The following ASB13 variants were observed in gnomAD, a reference collection of about 807,000 sequenced individuals.
The protein encoded by ASB13 is ankyrin repeat and SOCS box containing 13.
A neutral mutation model predicts 28.8 loss-of-function variants in ASB13; 33 were observed. The ratio of observed to expected loss-of-function variants is 1.15; its 90% CI spans 0.87 to 1.53. ASB13 has a LOEUF of 1.53. Among genes scored for constraint, ASB13 ranks in the 40% most tolerant of loss-of-function variants. The probability of loss-of-function intolerance (pLI) is 0.00; values close to 1 mark genes in which losing one functional copy is unlikely to be tolerated. For missense variants in ASB13, 414 were observed against 390.1 expected, an observed-to-expected ratio of 1.06 and a Z score of -0.52; for synonymous variants, 182 against 172.9, an observed-to-expected ratio of 1.05 and a Z score of -0.41.
rs888827574 is a variant in ASB13 at position 5,650,288 on chromosome 10, A to G, written c.382+925T>C. 6.6e-6 allele frequency among the ~76,000 whole-genome samples: 1 copy of G among 152,176 alleles called. No homozygotes were observed. The highest frequency in any genetic ancestry group is 1.5e-5 in the Non-Finnish European group (1 of 68,026). Reference sequence around the variant, plus strand: ...CCCAGCCACCACTGCACCTCCGTCTATCTGCACATGGAGGACCACTAAATG... The same window carrying G: ...CCCAGCCACCACTGCACCTCCGTCTGTCTGCACATGGAGGACCACTAAATG... On this transcript the variant is annotated intron_variant, in intron 3 of 5. Coordinates refer to ENST00000357700, the MANE Select transcript of ASB13 (RefSeq NM_024701.4). This position sits in a 1 kb window ranked among gnomAD's most constrained non-coding sequence, Gnocchi z 6.0.
At chr10:5,665,429 T>C (rs1328535000) in intron 1 of ASB13, among the ~76,000 whole-genome samples, 1 of 152,220 alleles carries the variant, frequency 6.6e-6, no homozygotes, top group East Asian at 1.9e-4. Context: ...AATGTGCCTT[T>C]CTTCTACAGA....
chr10:5,649,256 A>G lies in ASB13; in HGVS notation c.383-152T>C. 2 of 1,069,930 alleles carry G rather than the reference A, an allele frequency of 1.9e-6. No homozygotes were observed. The highest frequency in any genetic ancestry group is 2.7e-6 in the Non-Finnish European group (2 of 738,170). 66.3% of individuals were successfully genotyped at this position (1,069,930 alleles called of 1,614,324 possible). ...GTCCCAACCTAGGGAGGAGTTCATG[A>G]CCCGCATGGCCCTCAGGAAGCCAGG... On this transcript the variant is annotated intron_variant, in intron 3 of 5. Coordinates refer to ENST00000357700, the MANE Select transcript of ASB13 (RefSeq NM_024701.4). The surrounding 1 kb of genome is among the most constrained non-coding windows in gnomAD (Gnocchi z 6.4).
rs200734249 is a variant in ASB13, at chr10:5,649,145, G to T, written c.383-41C>A. On this transcript the variant is annotated intron_variant, in intron 3 of 5. Coordinates refer to ENST00000357700, the MANE Select transcript of ASB13 (RefSeq NM_024701.4). This position sits in a 1 kb window ranked among gnomAD's most constrained non-coding sequence, Gnocchi z 6.4. ...AAAGGGGGGGAATGTCCTTGAATACGGACACTGGAGACAACAAGCACACAG... is the reference window on the plus strand; with the variant it reads ...AAAGGGGGGGAATGTCCTTGAATACTGACACTGGAGACAACAAGCACACAG... The T allele has an allele frequency of 6.2e-7, 1 of 1,611,532 alleles. No homozygotes were observed. The highest frequency in any genetic ancestry group is 2.2e-5 in the East Asian group (1 of 44,854).
chr10:5,662,623 GAAGAGAAGAGAAGA>G lies in ASB13; in HGVS notation c.43+3872_43+3885del, dbSNP rs1472757120. ...GAAGAGAAGAGAAGAGAAGAGAAGA[GAAGAGAAGAGAAGA>G]GATGAGATCCTGGATGATTAACACT... On this transcript the variant is annotated intron_variant, in intron 1 of 5. Coordinates refer to ENST00000357700, the MANE Select transcript of ASB13 (RefSeq NM_024701.4). Among the ~76,000 whole-genome samples, 242 of 148,788 alleles carry G rather than the reference GAAGAGAAGAGAAGA, an allele frequency of 1.6e-3. 8 individuals are homozygous for G. The highest frequency in any genetic ancestry group is 9.2e-3 in the Admixed American group (132 of 14,346).
rs1178255590 is a variant in ASB13 at position 5,644,355 on chromosome 10, G to A, written c.518-2394C>T. On this transcript the variant is annotated intron_variant, in intron 4 of 5. Coordinates refer to ENST00000357700, the MANE Select transcript of ASB13 (RefSeq NM_024701.4). This position sits in a 1 kb window ranked among gnomAD's most constrained non-coding sequence, Gnocchi z 5.1. ...CAAAAATTTAAAAATTACCCGGGGG[G>A]CGTGATGGCACACATCTGTGGTCCC... is the stretch of plus-strand genomic sequence containing the variant. Among the ~76,000 whole-genome samples, 1 of 152,144 alleles carries A rather than the reference G, an allele frequency of 6.6e-6. No individual in the cohort carries two copies. Among genetic ancestry groups the A allele is most frequent in the Admixed American group, 6.5e-5 (1 of 15,278 alleles).
intron 4 of ASB13, among the ~76,000 whole-genome samples, chr10:5,648,305 A>C: frequency 6.8e-6 from 1 of 148,136 alleles, no homozygotes; most frequent in African/African-American, 2.5e-5. Flanking sequence ...TCAGGTAAAC[A>C]CCCACTCAGG....
At position 5,662,637 on chromosome 10, in the gene ASB13, A is replaced by AGAAGAG. The variant is rs1554744190; in HGVS notation, c.43+3871_43+3872insCTCTTC. On this transcript the variant is annotated intron_variant, in intron 1 of 5. Transcript: ENST00000357700. ...AGAAGAGAAGAGAAGAGAAGAGAAG[A>AGAAGAG]GATGAGATCCTGGATGATTAACACT... Among the ~76,000 whole-genome samples, 77 of 144,856 alleles carry AGAAGAG rather than the reference A, an allele frequency of 5.3e-4. 2 individuals carry two copies. In the South Asian group the frequency reaches 0.012, roughly 23 times the overall value.
At chr10:5,654,264 ACT>A (rs1174411453) in intron 1 of ASB13, among the ~76,000 whole-genome samples, 15 of 146,932 alleles carry the variant, frequency 1.0e-4, no homozygotes, top group Middle Eastern at 7.1e-3. Context: ...AAGCTTCCAC[ACT>A]CTGCTCACTC....
Position 5,651,466 on chromosome 10 carries a change from C to T in ASB13, c.232-103G>A. ...TCTTTGCTAAGATGCTTCTTAGAAG[C>T]ACCGGTTTGCTTTGCTATTATGTGC... On this transcript the variant is annotated intron_variant, in intron 2 of 5. Transcript: ENST00000357700. This position sits in a 1 kb window ranked among gnomAD's most constrained non-coding sequence, Gnocchi z 5.1. The T allele has an allele frequency of 1.5e-6, 2 of 1,324,002 alleles. No homozygotes were observed. The highest frequency in any genetic ancestry group is 1.5e-5 in the South Asian group (1 of 66,958). The allele number at this position is 1,324,002 out of a possible 1,614,324, so 82.0% of individuals were successfully genotyped here.
chr10:5,651,479 T>A lies in ASB13; in HGVS notation c.232-116A>T. 1 of 1,181,740 alleles carries A rather than the reference T, an allele frequency of 8.5e-7. No homozygotes were observed. The highest frequency in any genetic ancestry group is 1.2e-6 in the Non-Finnish European group (1 of 858,046). 73.2% of individuals were successfully genotyped at this position (1,181,740 alleles called of 1,614,324 possible). On this transcript the variant is annotated intron_variant, in intron 2 of 5. Coordinates refer to ENST00000357700, the MANE Select transcript of ASB13 (RefSeq NM_024701.4). The surrounding 1 kb of genome is among the most constrained non-coding windows in gnomAD (Gnocchi z 5.1). ...GCTTCTTAGAAGCACCGGTTTGCTT[T>A]GCTATTATGTGCTAGGCAACGACAC...
At position 5,645,226 on chromosome 10, in the gene ASB13, C is replaced by T. The variant is rs1168196025; in HGVS notation, c.518-3265G>A. On this transcript the variant is annotated intron_variant, in intron 4 of 5. Coordinates refer to ENST00000357700, the MANE Select transcript of ASB13 (RefSeq NM_024701.4). The surrounding 1 kb of genome is among the most constrained non-coding windows in gnomAD (Gnocchi z 5.4). ...AAATAGCTCAATAGGTGCTTGTTAC[C>T]ACAAGAGAAATTGAAAAAAAAAATT... 6.7e-6 allele frequency among the ~76,000 whole-genome samples: 1 copy of T among 148,918 alleles called. No homozygotes were observed. Among genetic ancestry groups the T allele is most frequent in the Non-Finnish European group, 1.5e-5 (1 of 67,240 alleles).
chr10:5,654,748 C>T (rs1835044948), intron 1 of ASB13, among the ~76,000 whole-genome samples: 1 of 152,176 alleles, frequency 6.6e-6, no homozygotes, highest in Admixed American at 6.5e-5. Flanking sequence ...ACTATTCTGA[C>T]ATGTCCCTGA....
rs1238318808 is a variant in ASB13 at position 5,662,532 on chromosome 10, A to AGTTG, written c.43+3976_43+3977insCAAC. Among the ~76,000 whole-genome samples the AGTTG allele has an allele frequency of 1.1e-4, 2 of 17,596 alleles. 1 individual carries two copies. The highest frequency in any genetic ancestry group is 1.2e-3 in the Admixed American group (2 of 1,720). The allele number at this position is 17,596 out of a possible 152,430, so 11.5% of individuals were successfully genotyped here. On this transcript the variant is annotated intron_variant, in intron 1 of 5. Coordinates refer to ENST00000357700, the MANE Select transcript of ASB13 (RefSeq NM_024701.4). ...GCGACAGACTGAGACTCTGTCGAGA[A>AGTTG]GGGGGGGGGAGGGGAGGGGAGGGGA...
chr10:5,654,383 C>G (rs995219630), intron 1 of ASB13, among the ~76,000 whole-genome samples: 3 of 152,048 alleles, frequency 2.0e-5, no homozygotes, highest in Admixed American at 2.0e-4. Flanking sequence ...GAAGACAGGA[C>G]CTACAGGAAT....
In ASB13 at chr10:5,652,807, T is replaced by C; in HGVS notation, c.231+56A>G. On this transcript the variant is annotated intron_variant, in intron 2 of 5. Coordinates refer to ENST00000357700, the MANE Select transcript of ASB13 (RefSeq NM_024701.4). This position sits in a 1 kb window ranked among gnomAD's most constrained non-coding sequence, Gnocchi z 5.0. Reference sequence around the variant, plus strand: ...TTTCCCAAGTTCTCCTGAGTCAACCTCCTCCATTCTGGCAGCTGCAGCCAG... The same window carrying C: ...TTTCCCAAGTTCTCCTGAGTCAACCCCCTCCATTCTGGCAGCTGCAGCCAG... The C allele has an allele frequency of 6.9e-7, 1 of 1,453,856 alleles. No homozygotes were observed. Among genetic ancestry groups the C allele is most frequent in the Non-Finnish European group, 9.1e-7 (1 of 1,098,462 alleles). The allele number at this position is 1,453,856 out of a possible 1,614,324, so 90.1% of individuals were successfully genotyped here. A position where few individuals can be genotyped will look rare whatever the true frequency, so the allele number is the denominator to read the frequency against.
In ASB13 at chr10:5,659,236, A is replaced by C. The variant is rs949701703; in HGVS notation, c.44-6186T>G. ...CGGAGCACCGCCTTGGAAACCCGAG[A>C]CTCCATGCCGTGCTGGCGAGTTCCC... On this transcript the variant is annotated intron_variant, in intron 1 of 5. Transcript: ENST00000357700. This position sits in a 1 kb window ranked among gnomAD's most constrained non-coding sequence, Gnocchi z 5.8. 6.6e-6 allele frequency among the ~76,000 whole-genome samples: 1 copy of C among 151,534 alleles called. No homozygotes were observed. The highest frequency in any genetic ancestry group is 1.5e-5 in the Non-Finnish European group (1 of 67,874).
chr10:5,660,540 G>A lies in ASB13; in HGVS notation c.43+5969C>T, dbSNP rs750903083. Among the ~76,000 whole-genome samples the A allele has an allele frequency of 3.3e-5, 5 of 152,282 alleles. No individual in the cohort carries two copies. Among genetic ancestry groups the A allele is most frequent in the East Asian group, 1.9e-4 (1 of 5,184 alleles). On this transcript the variant is annotated intron_variant, in intron 1 of 5. Coordinates refer to ENST00000357700, the MANE Select transcript of ASB13 (RefSeq NM_024701.4). This position sits in a 1 kb window ranked among gnomAD's most constrained non-coding sequence, Gnocchi z 6.1. ...CACCCTGCTCGTGAGTTCAAAGCTC[G>A]TCTCACAGCTTACCCTCTCCAAACC...
Position 5,651,092 on chromosome 10 carries a change from C to T in ASB13, c.382+121G>A. On this transcript the variant is annotated intron_variant, in intron 3 of 5. Coordinates refer to ENST00000357700, the MANE Select transcript of ASB13 (RefSeq NM_024701.4). The surrounding 1 kb of genome is among the most constrained non-coding windows in gnomAD (Gnocchi z 5.1). ...AGCCAGAAACAGACTCAGAACTCTC[C>T]TTCACCAGCCAAGGGCTCCCAATTC... 1 of 1,310,760 alleles carries T rather than the reference C, an allele frequency of 7.6e-7. No individual in the cohort carries two copies. Among genetic ancestry groups the T allele is most frequent in the Non-Finnish European group, 1.0e-6 (1 of 965,422 alleles). 81.2% of individuals were successfully genotyped at this position (1,310,760 alleles called of 1,614,324 possible). A position where few individuals can be genotyped will look rare whatever the true frequency, so the allele number is the denominator to read the frequency against.
At position 5,645,960 on chromosome 10, in the gene ASB13, T is replaced by C. The variant is rs1834880530; in HGVS notation, c.517+3010A>G. Among the ~76,000 whole-genome samples, 1 of 152,206 alleles carries C rather than the reference T, an allele frequency of 6.6e-6. No homozygotes were observed. Among genetic ancestry groups the C allele is most frequent in the Non-Finnish European group, 1.5e-5 (1 of 68,038 alleles). ...TTTCTAAGAAGAAGATGATGATCCA[T>C]CTGCTCTCACAAGGGGTACTAGAGG... On this transcript the variant is annotated intron_variant, in intron 4 of 5. Transcript: ENST00000357700. This position sits in a 1 kb window ranked among gnomAD's most constrained non-coding sequence, Gnocchi z 5.4.
Sources: allele counts gnomAD v4.1 joint callset (sites outside exome capture counted in the v4.1 genomes callset), GRCh38; gene constraint gnomAD v4.1.1; non-coding constraint Gnocchi (gnomAD v3.1); transcripts MANE v1.5; gene names NCBI Gene and HGNC (gene_info 2026-07-23, HGNC 2026-07-21).